The following GPHN variants were observed in gnomAD, a reference collection of about 807,000 sequenced individuals.
The protein encoded by GPHN is gephyrin.
GPHN carries 17 observed loss-of-function variants against 95.5 expected under a neutral mutation model. The observed-to-expected ratio is 0.18, with a 90% CI of 0.12 to 0.27. The LOEUF (loss-of-function observed/expected upper bound fraction) is 0.27. Among genes scored for constraint, GPHN ranks in the 10% least tolerant of loss-of-function variants. The probability of loss-of-function intolerance (pLI) is 1.00; values close to 1 mark genes in which losing one functional copy is unlikely to be tolerated. For synonymous variants in GPHN, 320 were observed against 322.5 expected, an observed-to-expected ratio of 0.99 and a Z score of 0.08; for missense variants, 660 against 978.1, an observed-to-expected ratio of 0.67 and a Z score of 4.34.
At chr14:66,859,039 C>T (rs879428771) in intron 4 of GPHN, among the ~76,000 whole-genome samples, 1 of 152,070 alleles carries the variant, frequency 6.6e-6, no homozygotes, top group Non-Finnish European at 1.5e-5. Context: ...CAGTCCCTCG[C>T]TCCCAGACAG....
intron 4 of GPHN, among the ~76,000 whole-genome samples, chr14:66,856,193 A>C (rs1219954447): frequency 6.6e-6 from 1 of 152,110 alleles, no homozygotes; most frequent in Non-Finnish European, 1.5e-5. Flanking sequence ...CTTTGGTTTA[A>C]AAAAATAACT....
intron 2 of GPHN, among the ~76,000 whole-genome samples, chr14:66,743,584 C>CA (rs532071297): frequency 1.3e-5 from 2 of 151,552 alleles, no homozygotes; most frequent in East Asian, 1.9e-4. Flanking sequence ...AAAAAAAATA[C>CA]AAAAAAAATT....
chr14:67,423,317 A>C, the GPHN span, among the ~76,000 whole-genome samples: 3 of 152,134 alleles, frequency 2.0e-5, no homozygotes, highest in Non-Finnish European at 4.4e-5. Flanking sequence ...TCATGACATA[A>C]TTTTGTAATT....
At chr14:66,957,341 G>A (rs896982398) in intron 8 of GPHN, among the ~76,000 whole-genome samples, 8 of 151,420 alleles carry the variant, frequency 5.3e-5, no homozygotes, top group Non-Finnish European at 1.2e-4. Context: ...GATTACAGGC[G>A]TGTGTCACCA....
chr14:67,481,759 C>T, the GPHN span, among the ~76,000 whole-genome samples: 6 of 152,206 alleles, frequency 3.9e-5, no homozygotes, highest in Non-Finnish European at 7.3e-5. Flanking sequence ...CACCCGACTC[C>T]CTATATCCTT....
chr14:67,108,629 A>C (rs1381796534), intron 13 of GPHN, among the ~76,000 whole-genome samples: 1 of 151,958 alleles, frequency 6.6e-6, no homozygotes, highest in Non-Finnish European at 1.5e-5. Flanking sequence ...AAGATTTTTA[A>C]GACTTTTGTA....
intron 2 of GPHN, among the ~76,000 whole-genome samples, chr14:66,696,342 G>C (rs894162309): frequency 6.6e-6 from 1 of 152,120 alleles, no homozygotes; most frequent in African/African-American, 2.4e-5. Context: ...CTATCCATTA[G>C]CCTTGAGTCT....
the GPHN span, among the ~76,000 whole-genome samples, chr14:67,664,981 C>T: frequency 3.0e-4 from 46 of 152,310 alleles, 1 homozygote; most frequent in African/African-American, 1.1e-3. Context: ...ATTCTCATGC[C>T]TCAGCCTCCT....
chr14:67,355,006 T>C, the GPHN span, among the ~76,000 whole-genome samples: 2 of 152,014 alleles, frequency 1.3e-5, no homozygotes, highest in African/African-American at 4.8e-5. Flanking sequence ...AGAGACAGGT[T>C]TCTCCATGTT....
At chr14:66,793,061 A>G (rs1012860150) in intron 3 of GPHN, among the ~76,000 whole-genome samples, 5 of 152,272 alleles carry the variant, frequency 3.3e-5, no homozygotes, top group Admixed American at 1.3e-4. Flanking sequence ...CCTTGCCCTC[A>G]TTCCCGTAAA....
chr14:67,115,413 A>G (rs1171629203), intron 16 of GPHN, among the ~76,000 whole-genome samples: 1 of 152,146 alleles, frequency 6.6e-6, no homozygotes, highest in African/African-American at 2.4e-5. Context: ...ACTTTCCTTA[A>G]GTATTGGTTT....
At chr14:67,469,325 A>G in the GPHN span, among the ~76,000 whole-genome samples, 4 of 148,802 alleles carry the variant, frequency 2.7e-5, no homozygotes, top group Non-Finnish European at 4.4e-5. Flanking sequence ...ACTGTCACCC[A>G]GAATACAGTG....
intron 4 of GPHN, among the ~76,000 whole-genome samples, chr14:66,876,193 G>A (rs1334321829): frequency 6.6e-6 from 1 of 152,104 alleles, no homozygotes; most frequent in Non-Finnish European, 1.5e-5. Flanking sequence ...TAAGTTCTTT[G>A]AAACCAATGA....
chr14:66,776,127 A>C (rs1255204069), intron 2 of GPHN, among the ~76,000 whole-genome samples: 1 of 152,220 alleles, frequency 6.6e-6, no homozygotes, highest in Non-Finnish European at 1.5e-5. Flanking sequence ...TTCTTAAAAA[A>C]GTCAAACATG....
At position 67,038,502 on chromosome 14, in the gene GPHN, A is replaced by G. The variant is rs574247231; in HGVS notation, c.1006+14827A>G. Among the ~76,000 whole-genome samples the G allele has an allele frequency of 1.0e-3, 157 of 152,270 alleles. 1 individual carries two copies. The highest frequency in any genetic ancestry group is 3.7e-3 in the African/African-American group (153 of 41,564). ...AATGTATTAAAAAGTTAAGTTAATC[A>G]TTGATCATAGAATTATCCTGGAATG... On this transcript the variant is annotated intron_variant, in intron 10 of 22. Transcript: ENST00000478722.
chr14:67,706,111 A>T, the GPHN span: 1 of 152,200 alleles, frequency 6.6e-6, no homozygotes, highest in Non-Finnish European at 1.5e-5. Context: ...GGAGCAGGGG[A>T]CCACCAGGTT....
chr14:67,034,343 G>A (rs1415472925), intron 10 of GPHN, among the ~76,000 whole-genome samples: 2 of 151,984 alleles, frequency 1.3e-5, no homozygotes, highest in African/African-American at 4.8e-5. Flanking sequence ...AAGAAAATGA[G>A]AAAGTAATCA....
rs1567400961 is a variant in GPHN, at chr14:67,144,272, T to TAC, written c.1836+824_1836+825insCA. ...AAAAATATATATATATATATATATA[T>TAC]ATATATATATATATACACACACACA... is the stretch of plus-strand genomic sequence containing the variant. On this transcript the variant is annotated intron_variant, in intron 18 of 22. Coordinates refer to ENST00000478722, the MANE Select transcript of GPHN (RefSeq NM_020806.5). Among the ~76,000 whole-genome samples, 47 of 120,436 alleles carry TAC rather than the reference T, an allele frequency of 3.9e-4. 9 individuals are homozygous for TAC. Among genetic ancestry groups the TAC allele is most frequent in the East Asian group, 1.3e-3 (5 of 3,850 alleles). 79.0% of individuals were successfully genotyped at this position (120,436 alleles called of 152,430 possible).
chr14:67,658,497 T>G, the GPHN span, among the ~76,000 whole-genome samples: 1 of 152,136 alleles, frequency 6.6e-6, no homozygotes, highest in Non-Finnish European at 1.5e-5. Flanking sequence ...CTTGGGAGGC[T>G]GAGGCAGGAG....
Sources: gnomAD v4.1 joint callset for allele counts (sites outside exome capture counted in the v4.1 genomes callset) on GRCh38, gnomAD v4.1.1 for gene constraint, MANE v1.5 for transcripts, NCBI Gene and HGNC (gene_info 2026-07-23, HGNC 2026-07-21) for gene names.